The following MED13L variants were observed in gnomAD, a reference collection of about 807,000 sequenced individuals.
MED13L encodes mediator complex subunit 13L, also known as mediator of RNA polymerase II transcription subunit 13-like.
A neutral mutation model predicts 220.9 loss-of-function variants in MED13L; 7 were observed. The ratio of observed to expected loss-of-function variants is 0.03; its 90% CI spans 0.02 to 0.06. The LOEUF (loss-of-function observed/expected upper bound fraction) is 0.06. MED13L is among the 10% of genes least tolerant of loss of function. MED13L has a pLI of 1.00. For synonymous variants in MED13L, 1,011 were observed against 1,015.2 expected, an observed-to-expected ratio of 1.00 and a Z score of 0.08; for missense variants, 1,965 against 2,760.5, an observed-to-expected ratio of 0.71 and a Z score of 6.46.
chr12:116,053,513 G>T (rs568850250), intron 4 of MED13L, among the ~76,000 whole-genome samples: 1 of 152,266 alleles, frequency 6.6e-6, no homozygotes, highest in South Asian at 2.1e-4. Context: ...AATACTAAGA[G>T]TTATTAATAT....
At chr12:116,177,616 C>T (rs1171293014) in intron 2 of MED13L, among the ~76,000 whole-genome samples, 3 of 152,128 alleles carry the variant, frequency 2.0e-5, no homozygotes, top group Non-Finnish European at 4.4e-5. Flanking sequence ...ATATTATTTA[C>T]TTGGTACCTA....
chr12:116,035,594 T>C (rs770087115), intron 4 of MED13L, among the ~76,000 whole-genome samples: 3 of 151,992 alleles, frequency 2.0e-5, no homozygotes, highest in Non-Finnish European at 4.4e-5. Flanking sequence ...ATTAATTAAT[T>C]AATTAATTTA....
intron 30 of MED13L, among the ~76,000 whole-genome samples, chr12:115,962,003 A>G (rs1188916806): frequency 6.6e-6 from 1 of 152,146 alleles, no homozygotes; most frequent in Admixed American, 6.5e-5. Context: ...AAAGAAAAGT[A>G]TGTAAAATAT....
At chr12:116,032,319 C>G (rs1209114134) in intron 4 of MED13L, among the ~76,000 whole-genome samples, 2 of 151,920 alleles carry the variant, frequency 1.3e-5, no homozygotes, top group African/African-American at 4.8e-5. Context: ...AAGAAAAAAA[C>G]AAGTGAGAGA....
intron 3 of MED13L, among the ~76,000 whole-genome samples, chr12:116,109,377 C>A (rs1260269595): frequency 6.6e-6 from 1 of 151,954 alleles, no homozygotes; most frequent in African/African-American, 2.4e-5. Flanking sequence ...AAATGAAATA[C>A]CTGCATTTCC....
intron 2 of MED13L, among the ~76,000 whole-genome samples, chr12:116,194,677 C>A (rs937539920): frequency 6.6e-6 from 1 of 152,104 alleles, no homozygotes; most frequent in African/African-American, 2.4e-5. Flanking sequence ...TGAAAAGATT[C>A]ACAAGATTGT....
chr12:116,183,597 C>T (rs1232287377), intron 2 of MED13L, among the ~76,000 whole-genome samples: 1 of 152,146 alleles, frequency 6.6e-6, no homozygotes, highest in Non-Finnish European at 1.5e-5. Flanking sequence ...ACCATTAAAT[C>T]AACTTTGTAT....
At chr12:115,968,239 T>C (rs1876338443) in intron 28 of MED13L, among the ~76,000 whole-genome samples, 1 of 152,284 alleles carries the variant, frequency 6.6e-6, no homozygotes, top group Non-Finnish European at 1.5e-5. Context: ...GCAGCAGGAA[T>C]CATCTAACTG....
chr12:116,135,099 G>A (rs1876420413), intron 2 of MED13L, among the ~76,000 whole-genome samples: 1 of 152,176 alleles, frequency 6.6e-6, no homozygotes, highest in African/African-American at 2.4e-5. Context: ...AGCCTGGGAG[G>A]CAGAGGTTGC....
intron 15 of MED13L, 54 bp downstream of exon 15, chr12:115,996,956 T>C: frequency 6.6e-7 from 1 of 1,524,872 alleles, no homozygotes; most frequent in East Asian, 2.3e-5. Flanking sequence ...CAGATGTATG[T>C]GAATCCACTT....
At chr12:116,020,376 C>T (rs1359362875) in intron 5 of MED13L, among the ~76,000 whole-genome samples, 3 of 152,228 alleles carry the variant, frequency 2.0e-5, no homozygotes, top group East Asian at 3.9e-4. Context: ...TTAATAATAG[C>T]CTGTACAATG....
intron 30 of MED13L, 48 bp downstream of exon 30, chr12:115,963,359 G>C: frequency 7.2e-7 from 1 of 1,391,870 alleles, no homozygotes; most frequent in Non-Finnish European, 1.0e-6. Flanking sequence ...AACAGTAAAG[G>C]AATATTGTTT....
intron 2 of MED13L, among the ~76,000 whole-genome samples, chr12:116,196,535 G>C (rs1881637626): frequency 6.6e-6 from 1 of 152,190 alleles, no homozygotes; most frequent in South Asian, 2.1e-4. Context: ...TGGGGTAGAA[G>C]AGTACTAGAA....
chr12:116,078,645 C>A (rs565881072), intron 4 of MED13L, among the ~76,000 whole-genome samples: 2 of 152,172 alleles, frequency 1.3e-5, no homozygotes, highest in Non-Finnish European at 2.9e-5. Flanking sequence ...GCTTACATAT[C>A]ATCTATGGCT....
At chr12:116,267,139 C>G (rs766418214) in intron 1 of MED13L, among the ~76,000 whole-genome samples, 27 of 152,120 alleles carry the variant, frequency 1.8e-4, no homozygotes, top group Non-Finnish European at 3.4e-4. Flanking sequence ...CTTAAACTAC[C>G]AAATAAGAGC....
intron 9 of MED13L, among the ~76,000 whole-genome samples, chr12:116,010,611 G>C (rs941443477): frequency 1.1e-4 from 17 of 152,146 alleles, no homozygotes; most frequent in Admixed American, 4.6e-4. Flanking sequence ...CAGGCAGTGG[G>C]AAAATCAGAC....
chr12:116,086,282 TC>T (rs1309911893), intron 4 of MED13L, among the ~76,000 whole-genome samples: 1 of 108,496 alleles, frequency 9.2e-6, no homozygotes, highest in African/African-American at 3.4e-5. Flanking sequence ...CCACGATAAT[TC>T]TTTTTTTTTT....
chr12:116,069,299 G>A (rs559676731), intron 4 of MED13L, among the ~76,000 whole-genome samples: 1 of 152,262 alleles, frequency 6.6e-6, no homozygotes, highest in South Asian at 2.1e-4. Context: ...ACATATCACT[G>A]TTTAGGAAGA....
chr12:116,255,031 A>C (rs1871913491), intron 1 of MED13L, among the ~76,000 whole-genome samples: 1 of 152,222 alleles, frequency 6.6e-6, no homozygotes, highest in Non-Finnish European at 1.5e-5. Flanking sequence ...AAAAATTTTT[A>C]ATTGACACGC....
Sources: allele counts gnomAD v4.1 joint callset (sites outside exome capture counted in the v4.1 genomes callset), GRCh38; gene constraint gnomAD v4.1.1; transcripts MANE v1.5; gene names NCBI Gene and HGNC (gene_info 2026-07-23, HGNC 2026-07-21).